The following NDRG3 variants were observed in gnomAD, a reference collection of about 807,000 sequenced individuals.
NDRG3 encodes the protein NDRG family member 3.
NDRG3 carries 23 observed loss-of-function variants against 57.2 expected under a neutral mutation model. The ratio of observed to expected loss-of-function variants is 0.40; its 90% CI spans 0.29 to 0.57. The LOEUF is 0.57. Ranked by LOEUF, NDRG3 falls within the 20% of genes least tolerant of loss-of-function variation. The pLI is 0.42. For missense variants in NDRG3, 384 were observed against 457.3 expected (o/e 0.84, Z 1.46); for synonymous variants, 132 against 162.6 (o/e 0.81, Z 1.43).
intron 1 of NDRG3, among the ~76,000 whole-genome samples, chr20:36,733,697 AAAAAAAAAAT>A (rs1369285240): frequency 7.3e-5 from 11 of 149,794 alleles, no homozygotes; most frequent in Admixed American, 1.3e-4. Flanking sequence ...ACTCCATCTC[AAAAAAAAAAT>A]AAAAAAAAAT....
intron 1 of NDRG3, among the ~76,000 whole-genome samples, chr20:36,728,166 G>A (rs1166790334): frequency 6.6e-6 from 1 of 151,382 alleles, no homozygotes; most frequent in Non-Finnish European, 1.5e-5. Flanking sequence ...CCATTCTCCT[G>A]CCTCAGCCTC....
chr20:36,662,002 C>CAA, intron 12 of NDRG3, among the ~76,000 whole-genome samples: 1 of 152,234 alleles, frequency 6.6e-6, no homozygotes, highest in Middle Eastern at 3.4e-3. Flanking sequence ...CTACAGAATG[C>CAA]GCATTAACTC....
chr20:36,683,665 C>CAT (rs200293418), intron 6 of NDRG3, among the ~76,000 whole-genome samples: 53 of 146,150 alleles, frequency 3.6e-4, no homozygotes, highest in Admixed American at 2.5e-3. Context: ...TGTATATATA[C>CAT]ATATATATAT....
chr20:36,686,009 CAAGA>C (rs1981758204), intron 5 of NDRG3, among the ~76,000 whole-genome samples: 1 of 152,086 alleles, frequency 6.6e-6, no homozygotes, highest in African/African-American at 2.4e-5. Context: ...TATCCTATCT[CAAGA>C]AAGAAAGAAA....
At chr20:36,692,215 T>C (rs2098806716) in intron 3 of NDRG3, among the ~76,000 whole-genome samples, 1 of 152,112 alleles carries the variant, frequency 6.6e-6, no homozygotes, top group Non-Finnish European at 1.5e-5. Context: ...CATATACTGT[T>C]TTTTACGTTT....
At chr20:36,738,653 T>TTA (rs1985737735) in intron 1 of NDRG3, among the ~76,000 whole-genome samples, 1 of 150,588 alleles carries the variant, frequency 6.6e-6, no homozygotes, top group Non-Finnish European at 1.5e-5. Flanking sequence ...TGAAACCCCA[T>TTA]CTCTACTAAA....
chr20:36,664,962 T>C (rs755119481), intron 12 of NDRG3, 84 bp downstream of exon 12: 11 of 1,358,880 alleles, frequency 8.1e-6, no homozygotes, highest in Non-Finnish European at 1.2e-5. Flanking sequence ...GTGTTGGGAA[T>C]ACAGGCGTGA....
At chr20:36,697,956 CTTTT>C (rs1226266912) in intron 3 of NDRG3, among the ~76,000 whole-genome samples, 5 of 139,024 alleles carry the variant, frequency 3.6e-5, no homozygotes, top group Admixed American at 3.6e-4. Context: ...GAGTTTTTTT[CTTTT>C]TTCTTTTTTT....
intron 8 of NDRG3, among the ~76,000 whole-genome samples, chr20:36,674,094 G>C (rs1980427768): frequency 6.6e-6 from 1 of 152,126 alleles, no homozygotes; most frequent in Non-Finnish European, 1.5e-5. Context: ...CAACAAGAGT[G>C]AAACTCCGTC....
At chr20:36,737,192 C>T (rs2148227250) in intron 1 of NDRG3, among the ~76,000 whole-genome samples, 1 of 152,130 alleles carries the variant, frequency 6.6e-6, no homozygotes, top group Non-Finnish European at 1.5e-5. Context: ...CTTGTTAATC[C>T]CAGACACCCA....
In NDRG3 at chr20:36,660,368, C is replaced by T. The variant is rs374483147; in HGVS notation, c.827G>A (p.Arg276His). ...CAAAGTTGTATTTATAGGGTTCAGG[C>T]GGGAATTGCATTCGACCTAAAATTT... is the stretch of plus-strand genomic sequence containing the variant. ...AVEAVVECNS[R>H]LNPINTTLLK... Residue 276 changes from arginine (R) to histidine (H), a missense_variant, in exon 13 of 16, where the codon CGC (arginine) becomes CAC (histidine). Coordinates refer to ENST00000349004, the MANE Select transcript of NDRG3 (RefSeq NM_032013.4). 100 of 1,605,260 alleles carry T rather than the reference C, an allele frequency of 6.2e-5. No individual in the cohort carries two copies. Among genetic ancestry groups the T allele is most frequent in the Middle Eastern group, 5.0e-4 (3 of 6,006 alleles).
intron 5 of NDRG3, among the ~76,000 whole-genome samples, 197 bp downstream of exon 5, chr20:36,687,293 AAC>A (rs761644977): frequency 3.3e-5 from 5 of 152,196 alleles, no homozygotes; most frequent in Non-Finnish European, 5.9e-5. Context: ...GATATGGGAA[AAC>A]ACACAGTTTC....
At chr20:36,714,998 GTGTGTGTGTA>G (rs1400098455) in intron 2 of NDRG3, among the ~76,000 whole-genome samples, 4 of 56,878 alleles carry the variant, frequency 7.0e-5, no homozygotes, top group Non-Finnish European at 6.5e-5. Context: ...GTGTGTGTGT[GTGTGTGTGTA>G]TATATATATA....
At chr20:36,728,088 GT>G (rs2049692500) in intron 1 of NDRG3, among the ~76,000 whole-genome samples, 1 of 150,588 alleles carries the variant, frequency 6.6e-6, no homozygotes, top group South Asian at 2.1e-4. Flanking sequence ...GAGTCTCGCT[GT>G]GTCGCCCAGG....
At chr20:36,669,319 T>G (rs1014098725) in intron 9 of NDRG3, among the ~76,000 whole-genome samples, 1 of 151,862 alleles carries the variant, frequency 6.6e-6, no homozygotes, top group Non-Finnish European at 1.5e-5. Flanking sequence ...AACCTCTGCC[T>G]CCTGGGTTCA....
chr20:36,720,761 CT>C (rs1253818278), intron 2 of NDRG3, among the ~76,000 whole-genome samples: 1 of 151,144 alleles, frequency 6.6e-6, no homozygotes, highest in Non-Finnish European at 1.5e-5. Context: ...CCTCATACTT[CT>C]TTTTTCTTTT....
chr20:36,743,768 A>G (rs1443340353), intron 1 of NDRG3, among the ~76,000 whole-genome samples: 2 of 149,930 alleles, frequency 1.3e-5, no homozygotes, highest in African/African-American at 2.4e-5. Flanking sequence ...CAGTGAGCCG[A>G]GATGGCGCCA....
chr20:36,743,058 T>C (rs1307807700), intron 1 of NDRG3, among the ~76,000 whole-genome samples: 1 of 152,088 alleles, frequency 6.6e-6, no homozygotes, highest in Non-Finnish European at 1.5e-5. Context: ...TTCTCATGCA[T>C]TGAGGGACAG....
At chr20:36,673,915 CA>C (rs1980407236) in intron 8 of NDRG3, among the ~76,000 whole-genome samples, 1 of 151,744 alleles carries the variant, frequency 6.6e-6, no homozygotes, top group South Asian at 2.1e-4. Flanking sequence ...CCAGCCTGAC[CA>C]ACATGGTGAA....
Sources: allele counts gnomAD v4.1 joint callset (sites outside exome capture counted in the v4.1 genomes callset), GRCh38; gene constraint gnomAD v4.1.1; transcripts MANE v1.5; gene names NCBI Gene and HGNC (gene_info 2026-07-23, HGNC 2026-07-21).